Variants in EMP2 observed in about 807,000 individuals in gnomAD.
EMP2 encodes the protein epithelial membrane protein 2.
Under a neutral mutation model 13.7 loss-of-function variants are expected in EMP2, and 19 were observed. That is an observed-to-expected ratio of 1.38 (90% confidence interval 0.97 to 2.03). EMP2 has a LOEUF of 2.03. Among genes scored for constraint, EMP2 ranks in the 30% most tolerant of loss-of-function variants. The probability of loss-of-function intolerance (pLI) is 0.00; values close to 1 mark genes in which losing one functional copy is unlikely to be tolerated. For missense variants in EMP2, 253 were observed against 220.7 expected (o/e 1.15, Z -0.93); for synonymous variants, 97 against 84.7 (o/e 1.15, Z -0.80).
rs1307753457 is a variant in EMP2 at position 10,580,079 on chromosome 16, G to A, written c.-61+470C>T. The stretch of plus-strand genomic sequence containing the variant: ...CCCAAGAAGTCGCTCCTCGCCGCTC[G>A]GGGGCGCGACGGAGCAGCGGCGGGG... On this transcript the variant is annotated intron_variant, in intron 1 of 4. Coordinates refer to ENST00000359543, the MANE Select transcript of EMP2 (RefSeq NM_001424.6). The surrounding 1 kb of genome is among the most constrained non-coding windows in gnomAD (Gnocchi z 4.3). 6.6e-6 allele frequency among the ~76,000 whole-genome samples: 1 copy of A among 152,122 alleles called. No homozygotes were observed. Among genetic ancestry groups the A allele is most frequent in the Non-Finnish European group, 1.5e-5 (1 of 68,002 alleles).
intron 4 of EMP2, among the ~76,000 whole-genome samples, chr16:10,535,059 TG>T (rs1331210908): frequency 6.6e-6 from 1 of 152,254 alleles, no homozygotes; most frequent in Non-Finnish European, 1.5e-5. Flanking sequence ...TGCTGGTGCC[TG>T]GATCTTCTTT....
At chr16:10,543,698 G>T (rs147676452) in intron 2 of EMP2, 38 bp from the exon 3 acceptor site, 4 of 1,597,850 alleles carry the variant, frequency 2.5e-6, no homozygotes, top group African/African-American at 2.7e-5. Context: ...AAGGCCGTCC[G>T]TTCATGATGC....
chr16:10,558,780 G>A (rs913194407), intron 1 of EMP2, among the ~76,000 whole-genome samples: 10 of 151,990 alleles, frequency 6.6e-5, no homozygotes, highest in African/African-American at 2.4e-4. Flanking sequence ...GCTCCTTTAC[G>A]TGCCAGGGAA....
intron 4 of EMP2, among the ~76,000 whole-genome samples, chr16:10,536,118 G>A (rs1260683734): frequency 6.6e-6 from 1 of 152,178 alleles, no homozygotes; most frequent in Non-Finnish European, 1.5e-5. Context: ...TAGAAGGGGT[G>A]GTACCTGGCT....
At chr16:10,549,715 G>GCA (rs1555459460) in intron 1 of EMP2, among the ~76,000 whole-genome samples, 5 of 80,660 alleles carry the variant, frequency 6.2e-5, no homozygotes, top group South Asian at 5.3e-4. Flanking sequence ...ATTAATGCAC[G>GCA]CACACACACA....
In EMP2 at chr16:10,532,751, CTTTTTTCTTTTTTTT is replaced by C. The variant is rs2050614352; in HGVS notation, c.*139_*153del. 7.5e-5 allele frequency: 15 copies of C among 199,584 alleles called. No individual in the cohort carries two copies. Among genetic ancestry groups the C allele is most frequent in the Middle Eastern group, 1.3e-3 (1 of 794 alleles). The allele number at this position is 199,584 out of a possible 1,614,324, so 12.4% of individuals were successfully genotyped here. ...CTTCTCTCTTTTGGATTTTTTTTTT[CTTTTTTCTTTTTTTT>C]TTTTTTTTTTTTTTTTTTTTGGCTT... On this transcript the variant is annotated 3_prime_UTR_variant, in exon 5 of 5. Coordinates refer to ENST00000359543, the MANE Select transcript of EMP2 (RefSeq NM_001424.6).
chr16:10,547,970 G>A (rs1291328301), intron 1 of EMP2, among the ~76,000 whole-genome samples: 2 of 152,136 alleles, frequency 1.3e-5, no homozygotes, highest in African/African-American at 4.8e-5. Flanking sequence ...GGAGGTTGAG[G>A]ACGCAGTGAG....
chr16:10,571,255 CAAAAAAAAAAAAAAAAA>C (rs58665715), intron 1 of EMP2, among the ~76,000 whole-genome samples: 3 of 33,432 alleles, frequency 9.0e-5, no homozygotes, highest in Non-Finnish European at 1.2e-4. Context: ...GACTCCGTCT[CAAAAAAAAAAAAAAAAA>C]AAAAAAAAAA....
chr16:10,557,390 A>G (rs2050838838), intron 1 of EMP2, among the ~76,000 whole-genome samples: 1 of 151,772 alleles, frequency 6.6e-6, no homozygotes, highest in Non-Finnish European at 1.5e-5. Flanking sequence ...AACAAACAAA[A>G]AAACCCCATG....
intron 1 of EMP2, among the ~76,000 whole-genome samples, chr16:10,561,538 G>C (rs1301075192): frequency 6.6e-6 from 1 of 152,218 alleles, no homozygotes; most frequent in Non-Finnish European, 1.5e-5. Flanking sequence ...CAGAAGCCAG[G>C]AGAGAAAAGA....
chr16:10,544,758 G>C (rs530019061), intron 2 of EMP2: 1 of 152,522 alleles, frequency 6.6e-6, no homozygotes, highest in Non-Finnish European at 1.5e-5. Flanking sequence ...GGTGGTGTGT[G>C]ACTGTAGTCC....
intron 2 of EMP2, chr16:10,546,574 T>C (rs950907902): frequency 2.6e-5 from 4 of 152,036 alleles, no homozygotes; most frequent in Non-Finnish European, 2.9e-5. Flanking sequence ...GGGACCCTGG[T>C]TGATAAGGAG....
chr16:10,562,057 C>T lies in EMP2; in HGVS notation c.-60-14380G>A, dbSNP rs533105020. 5.3e-5 allele frequency among the ~76,000 whole-genome samples: 8 copies of T among 152,288 alleles called. No individual in the cohort carries two copies. In the East Asian group the frequency reaches 9.6e-4, roughly 18 times the overall value. On this transcript the variant is annotated intron_variant, in intron 1 of 4. Transcript: ENST00000359543. Reference sequence around the variant, plus strand: ...AGGAAATTGAAGAGAAGGGGACACCCCACCTCATTCTGTGAGGCCAGCATT... The same window carrying T: ...AGGAAATTGAAGAGAAGGGGACACCTCACCTCATTCTGTGAGGCCAGCATT...
intron 1 of EMP2, among the ~76,000 whole-genome samples, chr16:10,575,403 G>C (rs550672300): frequency 1.3e-5 from 2 of 151,524 alleles, no homozygotes; most frequent in Admixed American, 1.3e-4. Context: ...ACAGGCGCCC[G>C]CCACCACACC....
intron 1 of EMP2, among the ~76,000 whole-genome samples, chr16:10,568,424 C>T (rs1033546418): frequency 2.0e-5 from 3 of 152,244 alleles, no homozygotes; most frequent in Middle Eastern, 3.4e-3. Flanking sequence ...TCTCAGATTG[C>T]TTGGTTCCAG....
intron 1 of EMP2, among the ~76,000 whole-genome samples, chr16:10,561,572 A>C (rs2050871747): frequency 6.6e-6 from 1 of 152,218 alleles, no homozygotes; most frequent in Non-Finnish European, 1.5e-5. Flanking sequence ...ACAAGGAGGG[A>C]GAATTAGCTC....
In EMP2 at chr16:10,537,988, G is replaced by C. The variant is rs1361927501; in HGVS notation, c.256C>G (p.Leu86Val). 1 of 1,614,164 alleles carries C rather than the reference G, an allele frequency of 6.2e-7. No homozygotes were observed. The highest frequency in any genetic ancestry group is 1.7e-5 in the Admixed American group (1 of 60,028). The stretch of plus-strand genomic sequence containing the variant: ...CTCTCTCCCTGCTTCAGGCGGAAGA[G>C]CTGGAGCACGAAGATGAAGAAGGCG... ...CIAFFIFVLQ[L>V]FRLKQGERFV... The change falls in exon 4 of 5, where the codon CTC (leucine) becomes GTC (valine). Residue 86 changes from leucine (L) to valine (V), a missense_variant. Physicochemically the swap from Leu to Val is conservative, Grantham distance 32 (BLOSUM62 1). Transcript: ENST00000359543.
intron 1 of EMP2, among the ~76,000 whole-genome samples, chr16:10,571,214 G>T (rs1159923617): frequency 7.6e-6 from 1 of 131,650 alleles, no homozygotes; most frequent in African/African-American, 2.9e-5. Flanking sequence ...CTGAGATCGC[G>T]CCACTGCACT....
chr16:10,574,357 C>T (rs1198809794), intron 1 of EMP2, among the ~76,000 whole-genome samples: 2 of 152,090 alleles, frequency 1.3e-5, no homozygotes, highest in East Asian at 3.9e-4. Flanking sequence ...TCCAATAATG[C>T]TCCGTGAGCA....
Sources: allele counts gnomAD v4.1 joint callset (sites outside exome capture counted in the v4.1 genomes callset), GRCh38; gene constraint gnomAD v4.1.1; non-coding constraint Gnocchi (gnomAD v3.1); transcripts MANE v1.5; gene names NCBI Gene and HGNC (gene_info 2026-07-23, HGNC 2026-07-21).